Variants in MYOT observed in about 807,000 individuals in gnomAD.
MYOT encodes myotilin.
In MYOT, 36 loss-of-function variants were observed where a neutral mutation model predicts 58.0. That is an observed-to-expected ratio of 0.62 (90% CI 0.48 to 0.82). The LOEUF (loss-of-function observed/expected upper bound fraction) is 0.82, where lower values mean the gene tolerates loss of function less well. Ranked by LOEUF, MYOT falls within the 40% of genes least tolerant of loss-of-function variation. The pLI is 0.00. For synonymous variants in MYOT, 218 were observed against 204.6 expected, an observed-to-expected ratio of 1.07 and a Z score of -0.56; for missense variants, 505 against 592.1, an observed-to-expected ratio of 0.85 and a Z score of 1.53.
intron 3 of MYOT, among the ~76,000 whole-genome samples, chr5:137,876,353 T>C (rs1755220041): frequency 6.6e-6 from 1 of 152,234 alleles, no homozygotes; most frequent in Non-Finnish European, 1.5e-5. Flanking sequence ...AGGTAATTAT[T>C]GCTATAATTC....
In MYOT at chr5:137,870,975, T is replaced by C. The variant is rs1325880179; in HGVS notation, c.324T>C (p.Asn108=). Residue 108 remains asparagine (N), a synonymous_variant, in exon 2 of 10, where the codon AAT becomes AAC. Transcript: ENST00000239926. ...SSILPSQPDY[N]SSKIPSAMDS... ...TATTACCATCACAGCCTGATTACAA[T>C]AGCAGTAAAATCCCTTCCGCTATGG... The C allele has an allele frequency of 5.0e-6, 8 of 1,613,990 alleles. No homozygotes were observed. Among genetic ancestry groups the C allele is most frequent in the Non-Finnish European group, 5.9e-6 (7 of 1,179,978 alleles).
At chr5:137,876,543 C>T (rs1561660162) in intron 3 of MYOT, among the ~76,000 whole-genome samples, 2 of 152,290 alleles carry the variant, frequency 1.3e-5, no homozygotes, top group South Asian at 4.1e-4. Flanking sequence ...CAGTGGCTCA[C>T]GTCTGTAATC....
intron 2 of MYOT, among the ~76,000 whole-genome samples, chr5:137,875,046 T>A (rs1211532763): frequency 6.6e-6 from 1 of 152,190 alleles, no homozygotes; most frequent in Non-Finnish European, 1.5e-5. Context: ...AACTATAACA[T>A]GAAATCATAG....
intron 1 of MYOT, among the ~76,000 whole-genome samples, chr5:137,868,382 G>T (rs1468170438): frequency 6.6e-6 from 1 of 152,010 alleles, no homozygotes. Context: ...ACATTATTTG[G>T]AATAAAATGA....
intron 8 of MYOT, 171 bp from the exon 9 acceptor site, chr5:137,886,693 C>G: frequency 1.5e-6 from 1 of 645,406 alleles, no homozygotes; most frequent in East Asian, 2.9e-5. Context: ...AGGGAGACAG[C>G]ACCCAAGGGG....
intron 7 of MYOT, 63 bp downstream of exon 7, chr5:137,883,654 T>C (rs1470379875): frequency 4.1e-6 from 6 of 1,478,190 alleles, no homozygotes; most frequent in Non-Finnish European, 5.6e-6. Context: ...AAAAAGAAAG[T>C]ATTTTAAAAG....
intron 4 of MYOT, among the ~76,000 whole-genome samples, chr5:137,880,275 T>C (rs1301404326): frequency 6.6e-6 from 1 of 152,244 alleles, no homozygotes; most frequent in Non-Finnish European, 1.5e-5. Context: ...ATTAATGCTA[T>C]TTTACAAAGC....
At chr5:137,868,079 T>C (rs1298447903) in intron 1 of MYOT, 126 bp downstream of exon 1, 1 of 152,168 alleles carries the variant, frequency 6.6e-6, no homozygotes, top group Non-Finnish European at 1.5e-5. Context: ...TATAATGGTA[T>C]TACACAAAAA....
chr5:137,871,672 G>T (rs1231913597), intron 2 of MYOT, among the ~76,000 whole-genome samples: 2 of 152,184 alleles, frequency 1.3e-5, no homozygotes, highest in Non-Finnish European at 2.9e-5. Context: ...AATTAGTTGG[G>T]TTGATCTAAA....
intron 2 of MYOT, among the ~76,000 whole-genome samples, chr5:137,874,424 GCCACTGCACT>G (rs1245714007): frequency 3.9e-5 from 6 of 152,042 alleles, no homozygotes; most frequent in African/African-American, 1.4e-4. Flanking sequence ...CCGAGATCGC[GCCACTGCACT>G]CCAGCCTGGG....
At chr5:137,875,444 C>A (rs1457088064) in intron 2 of MYOT, among the ~76,000 whole-genome samples, 1 of 152,014 alleles carries the variant, frequency 6.6e-6, no homozygotes, top group African/African-American at 2.4e-5. Flanking sequence ...CAGCATCATA[C>A]AATATACCCA....
intron 2 of MYOT, among the ~76,000 whole-genome samples, chr5:137,872,876 C>G (rs1006342055): frequency 6.6e-6 from 1 of 152,134 alleles, no homozygotes; most frequent in Non-Finnish European, 1.5e-5. Context: ...CTTTACCTAC[C>G]CAGTGCTTCA....
In MYOT at chr5:137,875,999, A is replaced by G; in HGVS notation, c.527A>G (p.Asn176Ser). The G allele has an allele frequency of 6.2e-7, 1 of 1,614,062 alleles. No homozygotes were observed. Among genetic ancestry groups the G allele is most frequent in the Middle Eastern group, 1.7e-4 (1 of 6,058 alleles). The part of the protein sequence containing the change: ...KCKDTLLHNG[N>S]QRLTYEEKMA... Reference sequence around the variant, plus strand: ...AAGGACACCCTTCTTCATAATGGAAATCAAGTGGGCAAGATGTCTATTTTG... The same window carrying G: ...AAGGACACCCTTCTTCATAATGGAAGTCAAGTGGGCAAGATGTCTATTTTG... The change falls in exon 3 of 10, where the codon AAT (asparagine) becomes AGT (serine). Residue 176 changes from asparagine to serine, a missense_variant. By Grantham distance (46) the Asn-to-Ser change is conservative. Coordinates refer to ENST00000239926, the MANE Select transcript of MYOT (RefSeq NM_006790.3).
In MYOT at chr5:137,883,666, A is replaced by G. The variant is rs545121816; in HGVS notation, c.1024+75A>G. On this transcript the variant is annotated intron_variant, in intron 7 of 9. Transcript: ENST00000239926. ...GAAAAAAAGAAAGTATTTTAAAAGA[A>G]AAGCCCAGCAGACTTCATATTTAAG... 1.2e-4 allele frequency: 163 copies of G among 1,352,022 alleles called. 2 individuals are homozygous for G. In the South Asian group the frequency reaches 1.9e-3, roughly 16 times the overall value. 83.8% of individuals were successfully genotyped at this position (1,352,022 alleles called of 1,614,324 possible).
chr5:137,884,415 T>C (rs553878113), intron 7 of MYOT, among the ~76,000 whole-genome samples: 1 of 152,322 alleles, frequency 6.6e-6, no homozygotes, highest in East Asian at 1.9e-4. Context: ...ATGTCCTTTT[T>C]ACTAGGAAAC....
Position 137,887,424 on chromosome 5 carries a change from T to G in MYOT, c.*39T>G, listed in dbSNP as rs771581150. 1.3e-6 allele frequency: 2 copies of G among 1,595,334 alleles called. No individual in the cohort carries two copies. The highest frequency in any genetic ancestry group is 2.2e-5 in the South Asian group (2 of 90,438). On this transcript the variant is annotated 3_prime_UTR_variant, in exon 10 of 10. Transcript: ENST00000239926. ...ATTGGAAAACAGCCAACTACACCAT[T>G]AGTAATATATTTGATTACATTTTTT...
rs778936012 is a variant in MYOT, at chr5:137,870,869, C to A, written c.218C>A (p.Pro73His). The change falls in exon 2 of 10, where the codon CCC (proline) becomes CAC (histidine). Residue 73 changes from proline to histidine, a missense_variant. Transcript: ENST00000239926. ...TCCTCCTCTGCTTTCCCTGCTTCTC[C>A]CCAGCAGCATGCTGGCTCCAACCCA... ...TMSSSAFPAS[P>H]QQHAGSNPGQ... The A allele has an allele frequency of 6.2e-7, 1 of 1,614,192 alleles. No individual in the cohort carries two copies. The highest frequency in any genetic ancestry group is 1.1e-5 in the South Asian group (1 of 91,082).
rs886059969 is a variant in MYOT, at chr5:137,887,552, A to G, written c.*167A>G. 5.0e-6 allele frequency: 2 copies of G among 402,052 alleles called. No homozygotes were observed. Among genetic ancestry groups the G allele is most frequent in the Non-Finnish European group, 7.8e-6 (2 of 255,610 alleles). 24.9% of individuals were successfully genotyped at this position (402,052 alleles called of 1,614,324 possible). On this transcript the variant is annotated 3_prime_UTR_variant, in exon 10 of 10. Coordinates refer to ENST00000239926, the MANE Select transcript of MYOT (RefSeq NM_006790.3). ...TTATCCTTTGACTCTTGCACATTCTATGTACCCCTCCGATTTGTGAAGCCT... is the reference window on the plus strand; with the variant it reads ...TTATCCTTTGACTCTTGCACATTCTGTGTACCCCTCCGATTTGTGAAGCCT...
chr5:137,884,820 A>G (rs945319736), intron 7 of MYOT, among the ~76,000 whole-genome samples: 2 of 152,244 alleles, frequency 1.3e-5, no homozygotes, highest in Non-Finnish European at 2.9e-5. Context: ...TGTATATTGC[A>G]TAAGAGATAT....
Sources: allele counts gnomAD v4.1 joint callset (sites outside exome capture counted in the v4.1 genomes callset), GRCh38; gene constraint gnomAD v4.1.1; transcripts MANE v1.5; gene names NCBI Gene and HGNC (gene_info 2026-07-23, HGNC 2026-07-21).